Variants in CNTN5 observed in about 807,000 individuals in gnomAD.
CNTN5 encodes the protein contactin 5.
CNTN5 carries 77 observed loss-of-function variants against 129.1 expected under a neutral mutation model. That is an observed-to-expected ratio of 0.60 (90% CI 0.50 to 0.72). CNTN5 has a LOEUF of 0.72. Among genes scored for constraint, CNTN5 ranks in the 30% least tolerant of loss-of-function variants. CNTN5 has a pLI of 0.00. For missense variants in CNTN5, 1,478 were observed against 1,328.8 expected, an observed-to-expected ratio of 1.11 and a Z score of -1.75; for synonymous variants, 509 against 465.6, an observed-to-expected ratio of 1.09 and a Z score of -1.20.
At chr11:99,643,733 C>T (rs963334517) in intron 3 of CNTN5, among the ~76,000 whole-genome samples, 2 of 152,078 alleles carry the variant, frequency 1.3e-5, no homozygotes, top group African/African-American at 2.4e-5. Flanking sequence ...ACAAACCCTA[C>T]ATAGATGGGA....
At chr11:99,400,475 G>A (rs2063883802) in intron 2 of CNTN5, among the ~76,000 whole-genome samples, 1 of 152,050 alleles carries the variant, frequency 6.6e-6, no homozygotes, top group African/African-American at 2.4e-5. Flanking sequence ...ATCATCTGTT[G>A]ATGGACACTT....
chr11:99,125,451 C>T (rs1203700859), intron 1 of CNTN5, among the ~76,000 whole-genome samples: 1 of 151,942 alleles, frequency 6.6e-6, no homozygotes, highest in Non-Finnish European at 1.5e-5. Flanking sequence ...AAGAAACTTA[C>T]TTCTAAATAA....
At chr11:99,520,538 C>T (rs565845785) in intron 2 of CNTN5, among the ~76,000 whole-genome samples, 1 of 152,176 alleles carries the variant, frequency 6.6e-6, no homozygotes, top group African/African-American at 2.4e-5. Flanking sequence ...TGAAGGTCAC[C>T]AGCTCTTCCC....
intron 1 of CNTN5, among the ~76,000 whole-genome samples, chr11:99,173,546 G>A (rs562513235): frequency 1.3e-5 from 2 of 152,262 alleles, no homozygotes; most frequent in East Asian, 3.9e-4. Context: ...TGGTTATAAG[G>A]CAGGTTTCTG....
chr11:99,105,204 T>C (rs1591197255), intron 1 of CNTN5, among the ~76,000 whole-genome samples: 1 of 152,242 alleles, frequency 6.6e-6, no homozygotes, highest in East Asian at 1.9e-4. Flanking sequence ...TGTCGTGGGA[T>C]TTGTGTAGAT....
At position 100,192,806 on chromosome 11, in the gene CNTN5, A is replaced by G. The variant is rs367777112; in HGVS notation, c.1709-682A>G. 1.0e-3 allele frequency among the ~76,000 whole-genome samples: 152 copies of G among 152,166 alleles called. 2 individuals carry two copies. Among genetic ancestry groups the G allele is most frequent in the African/African-American group, 3.3e-3 (139 of 41,574 alleles). Reference sequence around the variant, plus strand: ...TAACTGAATCATTAAGGAGTTAAACATAAACATTGTTTTCTAAAAACATTT... The same window carrying G: ...TAACTGAATCATTAAGGAGTTAAACGTAAACATTGTTTTCTAAAAACATTT... On this transcript the variant is annotated intron_variant, in intron 14 of 24. Transcript: ENST00000524871.
At chr11:100,048,433 T>A (rs1942797821) in intron 9 of CNTN5, among the ~76,000 whole-genome samples, 1 of 152,286 alleles carries the variant, frequency 6.6e-6, no homozygotes. Context: ...CCATAATAAA[T>A]ACATATATGT....
intron 15 of CNTN5, among the ~76,000 whole-genome samples, chr11:100,210,172 T>TATAAAAAA (rs1414888534): frequency 1.7e-5 from 1 of 59,372 alleles, no homozygotes; most frequent in Non-Finnish European, 3.3e-5. Flanking sequence ...CCTGCCTCTA[T>TATAAAAAA]ACAAAAAAAA....
intron 2 of CNTN5, among the ~76,000 whole-genome samples, chr11:99,451,730 C>G (rs1423703313): frequency 6.6e-6 from 1 of 151,962 alleles, no homozygotes; most frequent in East Asian, 1.9e-4. Flanking sequence ...AAACATAGTA[C>G]CTAGATAAAA....
chr11:99,141,170 G>A (rs188322984), intron 1 of CNTN5, among the ~76,000 whole-genome samples: 245 of 152,120 alleles, frequency 1.6e-3, no homozygotes, highest in Non-Finnish European at 2.8e-3. Flanking sequence ...TTCAGTTTTG[G>A]ATCTTGTTAT....
chr11:99,031,672 T>C (rs1017007196), intron 1 of CNTN5, among the ~76,000 whole-genome samples: 6 of 152,044 alleles, frequency 3.9e-5, no homozygotes, highest in Non-Finnish European at 8.8e-5. Context: ...ATATTTCACC[T>C]GAAACAAAGG....
intron 2 of CNTN5, among the ~76,000 whole-genome samples, chr11:99,476,263 C>G (rs1335427796): frequency 6.6e-6 from 1 of 151,938 alleles, no homozygotes; most frequent in African/African-American, 2.4e-5. Context: ...GTTTATCAAT[C>G]TATTAATATT....
chr11:100,121,576 A>G (rs1946024310), intron 13 of CNTN5, among the ~76,000 whole-genome samples: 1 of 151,932 alleles, frequency 6.6e-6, no homozygotes, highest in South Asian at 2.1e-4. Context: ...ATAAGTGAAA[A>G]GTCTCTTCTA....
intron 6 of CNTN5, among the ~76,000 whole-genome samples, chr11:99,857,469 A>T (rs538374588): frequency 6.6e-6 from 1 of 152,294 alleles, no homozygotes; most frequent in South Asian, 2.1e-4. Context: ...TAGAGAATCA[A>T]ATCATACAAT....
At chr11:99,769,773 G>T (rs117599073) in intron 3 of CNTN5, among the ~76,000 whole-genome samples, 255 of 147,080 alleles carry the variant, frequency 1.7e-3, no homozygotes, top group Middle Eastern at 0.011. Flanking sequence ...TCAACATCTC[G>T]CCACTGCACT....
chr11:99,234,413 G>A (rs1861163877), intron 1 of CNTN5, among the ~76,000 whole-genome samples: 1 of 152,178 alleles, frequency 6.6e-6, no homozygotes, highest in Non-Finnish European at 1.5e-5. Flanking sequence ...AGCATTATGT[G>A]CACACATAGG....
chr11:99,546,268 G>A (rs1220890932), intron 2 of CNTN5, among the ~76,000 whole-genome samples: 3 of 152,108 alleles, frequency 2.0e-5, no homozygotes, highest in African/African-American at 7.2e-5. Flanking sequence ...CCATTCTGAT[G>A]GGCTAGAAAG....
intron 18 of CNTN5, among the ~76,000 whole-genome samples, chr11:100,295,976 G>T (rs1030946953): frequency 1.3e-5 from 2 of 151,344 alleles, no homozygotes; most frequent in African/African-American, 2.4e-5. Context: ...AGCAGTAATG[G>T]CATGATATCA....
chr11:99,540,431 T>C (rs1948060311), intron 2 of CNTN5, among the ~76,000 whole-genome samples: 1 of 152,188 alleles, frequency 6.6e-6, no homozygotes, highest in African/African-American at 2.4e-5. Flanking sequence ...AGACAACATA[T>C]GGCATGCACT....
Sources: allele counts gnomAD v4.1 joint callset (sites outside exome capture counted in the v4.1 genomes callset), GRCh38; gene constraint gnomAD v4.1.1; transcripts MANE v1.5; gene names NCBI Gene and HGNC (gene_info 2026-07-23, HGNC 2026-07-21).